CAMK2D: variants seen among roughly 807,000 people sequenced by gnomAD.
The protein encoded by CAMK2D is calcium/calmodulin dependent protein kinase II delta.
A neutral mutation model predicts 84.0 loss-of-function variants in CAMK2D; 37 were observed. The observed-to-expected ratio is 0.44, with a 90% confidence interval of 0.34 to 0.58. CAMK2D has a LOEUF of 0.58. Ranked by LOEUF, CAMK2D falls within the 20% of genes least tolerant of loss-of-function variation. The pLI is 0.02. For missense variants in CAMK2D, 448 were observed against 652.5 expected, an observed-to-expected ratio of 0.69 and a Z score of 3.41; for synonymous variants, 202 against 212.5, an observed-to-expected ratio of 0.95 and a Z score of 0.43.
chr4:113,645,140 C>T (rs375508376), intron 3 of CAMK2D, among the ~76,000 whole-genome samples: 1 of 152,120 alleles, frequency 6.6e-6, no homozygotes, highest in East Asian at 1.9e-4. Context: ...CCTTAGCCTC[C>T]TGAGTAGCTG....
At chr4:113,549,644 T>C (rs2098609161) in intron 5 of CAMK2D, among the ~76,000 whole-genome samples, 1 of 152,204 alleles carries the variant, frequency 6.6e-6, no homozygotes, top group African/African-American at 2.4e-5. Context: ...ATGAATTTTG[T>C]ATAAGTTCAC....
chr4:113,466,252 C>T (rs956010354), intron 16 of CAMK2D, among the ~76,000 whole-genome samples: 19 of 136,786 alleles, frequency 1.4e-4, no homozygotes, highest in African/African-American at 4.4e-4. Flanking sequence ...AGCAAAACTC[C>T]GTCTCAAAAA....
chr4:113,584,134 A>G (rs1226237120), intron 4 of CAMK2D, among the ~76,000 whole-genome samples: 1 of 152,194 alleles, frequency 6.6e-6, no homozygotes, highest in African/African-American at 2.4e-5. Flanking sequence ...TCTTATCTAC[A>G]GAATGTGGGC....
At chr4:113,484,922 G>A (rs1383788054) in intron 16 of CAMK2D, among the ~76,000 whole-genome samples, 3 of 152,114 alleles carry the variant, frequency 2.0e-5, no homozygotes, top group Non-Finnish European at 4.4e-5. Flanking sequence ...CCTGGCAAGT[G>A]TCTTTGCCAC....
At chr4:113,521,612 A>AAAT (rs2098360219) in intron 8 of CAMK2D, among the ~76,000 whole-genome samples, 1 of 152,204 alleles carries the variant, frequency 6.6e-6, no homozygotes, top group South Asian at 2.1e-4. Flanking sequence ...AATGGAGCAA[A>AAAT]AATTACAAAT....
intron 8 of CAMK2D, among the ~76,000 whole-genome samples, chr4:113,519,916 A>ACATT (rs1444663024): frequency 1.3e-5 from 2 of 152,166 alleles, no homozygotes; most frequent in South Asian, 4.1e-4. Context: ...GATGCTCTAA[A>ACATT]CATTCCCTGC....
At chr4:113,603,773 TTATATATATATA>T (rs139576985) in intron 4 of CAMK2D, among the ~76,000 whole-genome samples, 34,590 of 127,946 alleles carry the variant, frequency 0.27, 4,651 homozygotes, top group East Asian at 0.36. Context: ...TCTTGCTATT[TTATATATATATA>T]TATATATATA....
At chr4:113,486,199 T>C (rs2097764426) in intron 16 of CAMK2D, among the ~76,000 whole-genome samples, 1 of 151,960 alleles carries the variant, frequency 6.6e-6, no homozygotes, top group South Asian at 2.1e-4. Context: ...AGTGCAGTCA[T>C]AGCTCGCTGT....
rs897677145 is a variant in CAMK2D, at chr4:113,455,701, T to C, written c.*29+25A>G. The C allele has an allele frequency of 4.6e-6, 6 of 1,307,502 alleles. No individual in the cohort carries two copies. In the Admixed American group the frequency reaches 6.9e-5, roughly 15 times the overall value. The allele number at this position is 1,307,502 out of a possible 1,614,324, so 81.0% of individuals were successfully genotyped here. A position where few individuals can be genotyped will look rare whatever the true frequency, so the allele number is the denominator to read the frequency against. ...TTTTCATTCAGCTCCAGTCACAAAG[T>C]ATCACGGAGCAGGATGTTACTTACA... On this transcript the variant is annotated intron_variant, in intron 20 of 20. Transcript: ENST00000511664.
chr4:113,759,142 A>T lies in CAMK2D; in HGVS notation c.160+178T>A. Reference sequence around the variant, plus strand: ...TATCAAATAATAATTATATCTTTCCATGTATTTTTAAGCTGTACAGACCAA... The same window carrying T: ...TATCAAATAATAATTATATCTTTCCTTGTATTTTTAAGCTGTACAGACCAA... On this transcript the variant is annotated intron_variant, in intron 2 of 20. Transcript: ENST00000511664. The T allele has an allele frequency of 1.1e-5, 4 of 374,992 alleles. No homozygotes were observed. The Admixed American group carries it at 1.3e-4, about 12-fold the overall frequency. The allele number at this position is 374,992 out of a possible 1,614,324, so 23.2% of individuals were successfully genotyped here.
chr4:113,551,681 C>T (rs544840744), intron 5 of CAMK2D, among the ~76,000 whole-genome samples: 17 of 152,164 alleles, frequency 1.1e-4, no homozygotes, highest in Non-Finnish European at 2.1e-4. Context: ...GCAATAGCCA[C>T]ATGTGACTAC....
intron 2 of CAMK2D, among the ~76,000 whole-genome samples, chr4:113,685,632 G>A (rs1020692003): frequency 3.9e-5 from 6 of 151,974 alleles, no homozygotes; most frequent in Admixed American, 2.6e-4. Flanking sequence ...AACAAAATTA[G>A]GTAATATTAC....
chr4:113,717,439 G>T (rs1043592057), intron 2 of CAMK2D, among the ~76,000 whole-genome samples: 4 of 151,998 alleles, frequency 2.6e-5, no homozygotes, highest in Admixed American at 6.6e-5. Context: ...AACTTTTATA[G>T]AATGCTCATG....
intron 14 of CAMK2D, among the ~76,000 whole-genome samples, chr4:113,504,477 A>G (rs990264589): frequency 5.9e-5 from 9 of 152,240 alleles, no homozygotes; most frequent in African/African-American, 2.2e-4. Flanking sequence ...CAGAAAGTGA[A>G]GTCTTACAAA....
chr4:113,652,708 C>G (rs570094774), intron 3 of CAMK2D, among the ~76,000 whole-genome samples: 9 of 152,152 alleles, frequency 5.9e-5, no homozygotes, highest in African/African-American at 1.7e-4. Flanking sequence ...CTTCCAATAC[C>G]CTGTTAGGGG....
intron 2 of CAMK2D, among the ~76,000 whole-genome samples, chr4:113,757,795 G>T (rs760628913): frequency 9.9e-5 from 15 of 152,124 alleles, no homozygotes; most frequent in Non-Finnish European, 1.8e-4. Flanking sequence ...ACAGATTGAA[G>T]GGAAAAGAGA....
At chr4:113,593,120 C>T (rs777701448) in intron 4 of CAMK2D, among the ~76,000 whole-genome samples, 14 of 152,186 alleles carry the variant, frequency 9.2e-5, no homozygotes, top group Non-Finnish European at 1.8e-4. Context: ...TCCCAAAGTG[C>T]TGGGATTACA....
At chr4:113,568,499 T>C (rs973920029) in intron 4 of CAMK2D, among the ~76,000 whole-genome samples, 3 of 152,224 alleles carry the variant, frequency 2.0e-5, no homozygotes, top group Admixed American at 6.5e-5. Flanking sequence ...TTGTGTTGTT[T>C]CCACCTTTTG....
chr4:113,699,228 T>C (rs1200095984), intron 2 of CAMK2D, among the ~76,000 whole-genome samples: 1 of 152,136 alleles, frequency 6.6e-6, no homozygotes, highest in African/African-American at 2.4e-5. Context: ...GGAATTAAAG[T>C]AAAAACCATA....
Sources: allele counts gnomAD v4.1 joint callset (sites outside exome capture counted in the v4.1 genomes callset), GRCh38; gene constraint gnomAD v4.1.1; transcripts MANE v1.5; gene names NCBI Gene and HGNC (gene_info 2026-07-23, HGNC 2026-07-21).